RAI1: variants seen among roughly 807,000 people sequenced by gnomAD.
RAI1 encodes retinoic acid-induced protein 1.
RAI1 carries 9 observed loss-of-function variants against 123.8 expected under a neutral mutation model. The ratio of observed to expected loss-of-function variants is 0.07; its 90% confidence interval spans 0.04 to 0.13. The LOEUF is 0.13. RAI1 is among the 10% of genes least tolerant of loss of function. RAI1 has a pLI of 1.00. For synonymous variants in RAI1, 1,231 were observed against 1,127.3 expected (o/e 1.09, Z -1.84); for missense variants, 2,256 against 2,545.8 (o/e 0.89, Z 2.45).
intron 2 of RAI1, among the ~76,000 whole-genome samples, chr17:17,788,966 G>GAC (rs2031923993): frequency 2.0e-5 from 3 of 152,220 alleles, no homozygotes; most frequent in Non-Finnish European, 4.4e-5. Flanking sequence ...GGTGGCTGGT[G>GAC]ACCATCACTG....
intron 1 of RAI1, among the ~76,000 whole-genome samples, chr17:17,699,036 T>A (rs1939333913): frequency 6.6e-6 from 1 of 152,176 alleles, no homozygotes; most frequent in African/African-American, 2.4e-5. Flanking sequence ...GTGCTTAGAC[T>A]GGGGGCTGAT....
intron 4 of RAI1, 95 bp downstream of exon 4, chr17:17,803,944 TCTCA>T: frequency 8.5e-7 from 1 of 1,181,244 alleles, no homozygotes. Flanking sequence ...CCAGGCCCCA[TCTCA>T]CTCTTCAGTT....
At chr17:17,727,095 A>G (rs1916116798) in intron 2 of RAI1, among the ~76,000 whole-genome samples, 1 of 152,252 alleles carries the variant, frequency 6.6e-6, no homozygotes, top group Non-Finnish European at 1.5e-5. Flanking sequence ...GATTTGCTCA[A>G]AATGCCACTG....
intron 2 of RAI1, among the ~76,000 whole-genome samples, chr17:17,747,584 G>GAGGTT (rs1190673569): frequency 1.3e-5 from 2 of 152,298 alleles, no homozygotes; most frequent in African/African-American, 4.8e-5. Flanking sequence ...GCCACACTCT[G>GAGGTT]AGGTTAGGGG....
chr17:17,749,663 T>C (rs927074025), intron 2 of RAI1, among the ~76,000 whole-genome samples: 6 of 152,218 alleles, frequency 3.9e-5, no homozygotes, highest in African/African-American at 1.4e-4. Context: ...CTGCTGGTCT[T>C]TCTTGCCTGG....
intron 2 of RAI1, among the ~76,000 whole-genome samples, chr17:17,784,307 C>T (rs2031740753): frequency 1.3e-5 from 2 of 152,164 alleles, no homozygotes; most frequent in Non-Finnish European, 2.9e-5. Context: ...GGCAGGGAAG[C>T]GAGGGGCGGT....
At position 17,795,875 on chromosome 17, in the gene RAI1, C is replaced by T; in HGVS notation, c.2927C>T (p.Pro976Leu). The change falls in exon 3 of 6, where the codon CCC (proline) becomes CTC (leucine). Residue 976 changes from proline to leucine, a missense_variant. Pro to Leu is a moderately conservative substitution (Grantham distance 98). Around this residue, in one of 7 missense-constraint regions of RAI1, gnomAD observed 566 missense variants for 616.0 expected, o/e 0.92. Coordinates refer to ENST00000353383, the MANE Select transcript of RAI1 (RefSeq NM_030665.4). This position sits in a 1 kb window ranked among gnomAD's most constrained non-coding sequence, Gnocchi z 5.9. ...TCGGACGCCTCTCTGGCCCAGAAGC[C>T]CAACAAGCCTGCTGTGCCCGAGGCG... is the stretch of plus-strand genomic sequence containing the variant. ...TTSDASLAQKPNKPAVPEAPI... is the reference protein window; with the variant it reads ...TTSDASLAQKLNKPAVPEAPI... The T allele has an allele frequency of 1.2e-6, 2 of 1,612,714 alleles. No individual in the cohort carries two copies. The highest frequency in any genetic ancestry group is 1.7e-6 in the Non-Finnish European group (2 of 1,179,992).
intron 3 of RAI1, 140 bp downstream of exon 3, chr17:17,798,653 A>G: frequency 7.0e-7 from 1 of 1,434,912 alleles, no homozygotes; most frequent in Non-Finnish European, 9.4e-7. Flanking sequence ...CAGAGTCCTG[A>G]GCCTCTCTGG....
chr17:17,687,973 C>T (rs1305711073), intron 1 of RAI1, among the ~76,000 whole-genome samples: 3 of 136,794 alleles, frequency 2.2e-5, no homozygotes, highest in Non-Finnish European at 4.6e-5. Flanking sequence ...GAGGTTGCAG[C>T]GAGCCAAGAT....
In RAI1 at chr17:17,809,923, G is replaced by C. The variant is rs2032692783; in HGVS notation, c.5710-47G>C. On this transcript the variant is annotated intron_variant, in intron 5 of 5. Coordinates refer to ENST00000353383, the MANE Select transcript of RAI1 (RefSeq NM_030665.4). This position sits in a 1 kb window ranked among gnomAD's most constrained non-coding sequence, Gnocchi z 4.9. The stretch of plus-strand genomic sequence containing the variant: ...ACACTGGGGGCGGGGCCTATGGACT[G>C]TGAAGTCCGAGGTCGTCGGTAACTG... 1 of 1,556,548 alleles carries C rather than the reference G, an allele frequency of 6.4e-7. No homozygotes were observed. Among genetic ancestry groups the C allele is most frequent in the Non-Finnish European group, 8.7e-7 (1 of 1,151,604 alleles).
At chr17:17,708,765 AG>A (rs1222203002) in intron 1 of RAI1, among the ~76,000 whole-genome samples, 2 of 152,310 alleles carry the variant, frequency 1.3e-5, no homozygotes, top group African/African-American at 4.8e-5. Context: ...AGAAGTTAGA[AG>A]ACTGTGGTCC....
At chr17:17,751,727 C>A (rs537405506) in intron 2 of RAI1, among the ~76,000 whole-genome samples, 1 of 152,278 alleles carries the variant, frequency 6.6e-6, no homozygotes, top group Admixed American at 6.5e-5. Context: ...GCCGATTCCT[C>A]CTTCTCCTTA....
intron 2 of RAI1, among the ~76,000 whole-genome samples, chr17:17,780,605 CTG>C (rs1294244806): frequency 6.6e-6 from 1 of 152,180 alleles, no homozygotes; most frequent in East Asian, 1.9e-4. Flanking sequence ...GTTTGCATGT[CTG>C]TGAAATGACA....
In RAI1 at chr17:17,811,181, CAT is replaced by C. The variant is rs766348360; in HGVS notation, c.*1203_*1204del. 4 of 320,364 alleles carry C rather than the reference CAT, an allele frequency of 1.2e-5. No homozygotes were observed. The highest frequency in any genetic ancestry group is 2.4e-5 in the Non-Finnish European group (4 of 163,990). The allele number at this position is 320,364 out of a possible 1,614,324, so 19.8% of individuals were successfully genotyped here. A position where few individuals can be genotyped will look rare whatever the true frequency, so the allele number is the denominator to read the frequency against. ...AGGGCCGCCCTAGCAACTTCCTGTA[CAT>C]ATGACTGTAAAATGGTAAACGTGTG... is the stretch of plus-strand genomic sequence containing the variant. On this transcript the variant is annotated 3_prime_UTR_variant, in exon 6 of 6. Transcript: ENST00000353383.
At chr17:17,746,565 G>C (rs538559351) in intron 2 of RAI1, among the ~76,000 whole-genome samples, 7 of 152,136 alleles carry the variant, frequency 4.6e-5, no homozygotes, top group African/African-American at 1.7e-4. Flanking sequence ...AAGGATGGGG[G>C]CTGCTGGGGC....
intron 2 of RAI1, among the ~76,000 whole-genome samples, chr17:17,784,564 AAG>A (rs2031753222): frequency 6.6e-6 from 1 of 152,154 alleles, no homozygotes; most frequent in South Asian, 2.1e-4. Context: ...GCTCTGCAAA[AAG>A]TGTCTTCCCG....
At position 17,698,489 on chromosome 17, in the gene RAI1, C is replaced by T. The variant is rs538192867; in HGVS notation, c.-149+16696C>T. Among the ~76,000 whole-genome samples, 6 of 152,308 alleles carry T rather than the reference C, an allele frequency of 3.9e-5. No individual in the cohort carries two copies. In the East Asian group the frequency reaches 1.2e-3, roughly 29 times the overall value. ...ACAGCCCTCGGTCTCCCCCTCCCCC[C>T]ACACCCCTTTATATTGAATGTGTCT... On this transcript the variant is annotated intron_variant, in intron 1 of 5. Transcript: ENST00000353383.
chr17:17,689,318 T>C (rs909906278), intron 1 of RAI1, among the ~76,000 whole-genome samples: 2 of 152,164 alleles, frequency 1.3e-5, no homozygotes, highest in Non-Finnish European at 2.9e-5. Flanking sequence ...TGTAATAACA[T>C]TGGCCAAAAT....
At position 17,810,394 on chromosome 17, in the gene RAI1, C is replaced by T. The variant is rs773215080; in HGVS notation, c.*413C>T. 7 of 241,882 alleles carry T rather than the reference C, an allele frequency of 2.9e-5. No homozygotes were observed. Among genetic ancestry groups the T allele is most frequent in the Non-Finnish European group, 5.7e-5 (7 of 122,996 alleles). 15.0% of individuals were successfully genotyped at this position (241,882 alleles called of 1,614,324 possible). ...CATTCCACGTGGGTGCTGCCGCCACCCCAGTCGGTCGTGGCGTGCAGCTGG... is the reference window on the plus strand; with the variant it reads ...CATTCCACGTGGGTGCTGCCGCCACTCCAGTCGGTCGTGGCGTGCAGCTGG... On this transcript the variant is annotated 3_prime_UTR_variant, in exon 6 of 6. Transcript: ENST00000353383. This position sits in a 1 kb window ranked among gnomAD's most constrained non-coding sequence, Gnocchi z 4.6.
Sources: gnomAD v4.1 joint callset for allele counts (sites outside exome capture counted in the v4.1 genomes callset) on GRCh38, gnomAD v4.1.1 for gene constraint, gnomAD v4.1.1 regional missense constraint, Gnocchi (gnomAD v3.1) non-coding constraint, MANE v1.5 for transcripts, NCBI Gene and HGNC (gene_info 2026-07-23, HGNC 2026-07-21) for gene names.